UBXN6: variants seen among roughly 807,000 people sequenced by gnomAD.
UBXN6 encodes UBX domain-containing protein 6.
A neutral mutation model predicts 51.4 loss-of-function variants in UBXN6; 44 were observed. The ratio of observed to expected loss-of-function variants is 0.86; its 90% CI spans 0.67 to 1.10. The LOEUF (loss-of-function observed/expected upper bound fraction) is 1.10, where lower values mean the gene tolerates loss of function less well. Ranked by LOEUF, UBXN6 falls within the 50% of genes least tolerant of loss-of-function variation. UBXN6 has a pLI of 0.00. For synonymous variants in UBXN6, 316 were observed against 263.2 expected (o/e 1.20, Z -1.94); for missense variants, 672 against 596.1 (o/e 1.13, Z -1.32).
Position 4,445,429 on chromosome 19 carries a change from G to T in UBXN6, c.*69C>A. 1 of 1,600,192 alleles carries T rather than the reference G, an allele frequency of 6.2e-7. No homozygotes were observed. Among genetic ancestry groups the T allele is most frequent in the Non-Finnish European group, 8.5e-7 (1 of 1,171,022 alleles). ...TCCAGAGGTGGCTTGGAGGCCCTGG[G>T]GTGGCGGGGAGAGGAACAGGGAGAG... On this transcript the variant is annotated 3_prime_UTR_variant, in exon 11 of 11. Transcript: ENST00000301281.
chr19:4,452,064 G>A (rs763677691), intron 4 of UBXN6, among the ~76,000 whole-genome samples: 8 of 150,406 alleles, frequency 5.3e-5, no homozygotes, highest in Non-Finnish European at 7.4e-5. Flanking sequence ...CACGAGAATC[G>A]TTTGAATCCA....
chr19:4,457,009 C>G lies in UBXN6; in HGVS notation c.83+606G>C, dbSNP rs1974748198. Among the ~76,000 whole-genome samples, 5 of 152,224 alleles carry G rather than the reference C, an allele frequency of 3.3e-5. No individual in the cohort carries two copies. In the South Asian group the frequency reaches 1.0e-3, roughly 32 times the overall value. ...TTTCTAGTCTCCCATCAGCCTCCCACGTGCTCCAGATACCAAATCCAGAAC... is the reference window on the plus strand; with the variant it reads ...TTTCTAGTCTCCCATCAGCCTCCCAGGTGCTCCAGATACCAAATCCAGAAC... On this transcript the variant is annotated intron_variant, in intron 1 of 10. Coordinates refer to ENST00000301281, the MANE Select transcript of UBXN6 (RefSeq NM_025241.3).
intron 1 of UBXN6, chr19:4,454,691 T>C (rs1974714283): frequency 6.6e-6 from 1 of 152,264 alleles, no homozygotes; most frequent in Non-Finnish European, 1.5e-5. Context: ...GCTGGGATTA[T>C]AGGCATGAGC....
At chr19:4,457,795 TAAAAA>T (rs397859534), upstream of UBXN6, 3 of 28,078 alleles carry the variant, frequency 1.1e-4, no homozygotes, top group South Asian at 5.2e-4. Context: ...GGAAGAAAAT[TAAAAA>T]AAAAAAAAAA....
rs762081150 is a variant in UBXN6, at chr19:4,448,340, G to T, written c.517C>A (p.Leu173Met). 6.2e-7 allele frequency: 1 copy of T among 1,609,190 alleles called. No individual in the cohort carries two copies. The highest frequency in any genetic ancestry group is 1.1e-5 in the South Asian group (1 of 90,140). ...CACTTGGCAATGGTGTCCACACCCA[G>T]CTTCACCCGGTCCTGGTCTTTGTTG... ...TFNKDQDRVK[L>M]GVDTIAKYLD... Residue 173 changes from leucine to methionine, a missense_variant, in exon 5 of 11, where the codon CTG (leucine) becomes ATG (methionine). Leu to Met is a conservative substitution (Grantham distance 15). Coordinates refer to ENST00000301281, the MANE Select transcript of UBXN6 (RefSeq NM_025241.3).
chr19:4,446,523 C>T lies in UBXN6; in HGVS notation c.897G>A (p.Glu299=), dbSNP rs753848499. Reference sequence around the variant, plus strand: ...ACCTGAGCCTCTGCTCCCGCTTGATCTCCTCTGCTGTGAGGTTGAAGAAGT... The same window carrying T: ...ACCTGAGCCTCTGCTCCCGCTTGATTTCCTCTGCTGTGAGGTTGAAGAAGT... ...PGDFFNLTAE[E]IKREQRLRSE... The change falls in exon 8 of 11, where the codon GAG becomes GAA. Residue 299 remains glutamate (E), a synonymous_variant. Coordinates refer to ENST00000301281, the MANE Select transcript of UBXN6 (RefSeq NM_025241.3). 9.9e-6 allele frequency: 16 copies of T among 1,610,928 alleles called. No individual in the cohort carries two copies. Among genetic ancestry groups the T allele is most frequent in the Middle Eastern group, 1.6e-4 (1 of 6,082 alleles).
At chr19:4,447,062 G>A in intron 6 of UBXN6, 142 bp from the exon 7 acceptor site, 2 of 750,000 alleles carry the variant, frequency 2.7e-6, no homozygotes, top group South Asian at 3.5e-5. Context: ...GGGTGCCTCA[G>A]TGCTGGATGC....
intron 6 of UBXN6, 27 bp from the exon 7 acceptor site, chr19:4,446,947 G>A: frequency 6.2e-7 from 1 of 1,609,724 alleles, no homozygotes; most frequent in East Asian, 2.2e-5. Context: ...GCGTCACTGG[G>A]GGCCCCTGGC....
chr19:4,451,876 G>C (rs535194799), intron 4 of UBXN6, among the ~76,000 whole-genome samples: 2 of 152,020 alleles, frequency 1.3e-5, no homozygotes, highest in Non-Finnish European at 2.9e-5. Flanking sequence ...CAGGCCACGC[G>C]TGGTGGCTCA....
At chr19:4,455,761 G>C (rs940686050) in intron 1 of UBXN6, among the ~76,000 whole-genome samples, 2 of 152,036 alleles carry the variant, frequency 1.3e-5, no homozygotes, top group Non-Finnish European at 2.9e-5. Flanking sequence ...GAGGAGGATG[G>C]GGGTCTGGAA....
Position 4,446,572 on chromosome 19 carries a change from G to A in UBXN6, c.848C>T (p.Ala283Val), listed in dbSNP as rs1343381119. 3 of 1,612,428 alleles carry A rather than the reference G, an allele frequency of 1.9e-6. No homozygotes were observed. The South Asian group carries it at 3.3e-5, about 18-fold the overall frequency. The change falls in exon 8 of 11, where the codon GCC (alanine) becomes GTC (valine). Residue 283 changes from alanine to valine, a missense_variant. Transcript: ENST00000301281. ...QRRVFQPSPL[A>V]SQFELPGDFF... The stretch of plus-strand genomic sequence containing the variant: ...GTCCCCAGGCAGTTCGAACTGCGAG[G>A]CCAGGGGCGAGGGCTGGAAGACGCG...
chr19:4,445,684 C>T, intron 10 of UBXN6, 61 bp from the exon 11 acceptor site: 1 of 1,580,268 alleles, frequency 6.3e-7, no homozygotes, highest in South Asian at 1.1e-5. Context: ...CGGCAGGGAA[C>T]TCAGCGGGCA....
chr19:4,449,611 C>G (rs1167030841), intron 4 of UBXN6: 1 of 152,256 alleles, frequency 6.6e-6, no homozygotes, highest in African/African-American at 2.4e-5. Context: ...CGTGTCAGCT[C>G]CAAAAGCGGG....
chr19:4,457,640 C>A lies in UBXN6; in HGVS notation c.58G>T (p.Gly20Cys), dbSNP rs747449598. The A allele has an allele frequency of 2.5e-6, 4 of 1,601,180 alleles. No individual in the cohort carries two copies. The South Asian group carries it at 4.4e-5, about 18-fold the overall frequency. ...ADIKFKSAGP[G>C]QKLKESVGEK... ...CCCACGGACTCTTTGAGCTTCTGAC[C>A]GGGTCCCGCGCTCTTGAACTTGATG... The change falls in exon 1 of 11, where the codon GGT becomes TGT. Residue 20 changes from glycine (G) to cysteine (C), a missense_variant. Gly to Cys is a radical substitution (Grantham distance 159). Coordinates refer to ENST00000301281, the MANE Select transcript of UBXN6 (RefSeq NM_025241.3).
chr19:4,446,233 G>A (rs1252412462), intron 9 of UBXN6, 36 bp from the exon 10 acceptor site: 27 of 1,577,928 alleles, frequency 1.7e-5, no homozygotes, highest in Non-Finnish European at 2.2e-5. Context: ...GTGGGGCCCA[G>A]GGCCCCCTAC....
intron 3 of UBXN6, 149 bp from the exon 4 acceptor site, chr19:4,452,641 T>C: frequency 4.4e-6 from 5 of 1,133,666 alleles, no homozygotes; most frequent in Non-Finnish European, 6.0e-6. Context: ...GGAGACACCC[T>C]GGCCAAGTGA....
intron 6 of UBXN6, chr19:4,447,333 G>T: frequency 1.7e-6 from 1 of 593,014 alleles, no homozygotes; most frequent in Non-Finnish European, 3.0e-6. Context: ...CAGGTGAGGA[G>T]AGGCAGAATT....
intron 4 of UBXN6, chr19:4,448,684 A>C (rs1377605122): frequency 7.9e-6 from 4 of 504,426 alleles, no homozygotes; most frequent in Non-Finnish European, 1.4e-5. Flanking sequence ...CTTGGAAGCC[A>C]GTGTGACGCG....
chr19:4,453,556 G>A lies in UBXN6; in HGVS notation c.248-34C>T, dbSNP rs374837108. The A allele has an allele frequency of 2.5e-4, 408 of 1,608,776 alleles. 5 individuals are homozygous for A. The South Asian group carries it at 3.6e-3, about 14-fold the overall frequency. On this transcript the variant is annotated intron_variant, in intron 2 of 10. Coordinates refer to ENST00000301281, the MANE Select transcript of UBXN6 (RefSeq NM_025241.3). Reference sequence around the variant, plus strand: ...CAGCCCAAGAAAGAGAGGCAGAGACGGGATAGTGAGCACGCCGCTGTCCTG... The same window carrying A: ...CAGCCCAAGAAAGAGAGGCAGAGACAGGATAGTGAGCACGCCGCTGTCCTG...
Sources: allele counts gnomAD v4.1 joint callset (sites outside exome capture counted in the v4.1 genomes callset), GRCh38; gene constraint gnomAD v4.1.1; transcripts MANE v1.5; gene names NCBI Gene and HGNC (gene_info 2026-07-23, HGNC 2026-07-21).